RELB: variants seen among roughly 807,000 people sequenced by gnomAD.
RELB encodes transcription factor RelB.
In RELB, 14 loss-of-function variants were observed where a neutral mutation model predicts 55.4. That is an observed-to-expected ratio of 0.25 (90% CI 0.17 to 0.40). The LOEUF is 0.40. RELB is among the 10% of genes least tolerant of loss of function. The pLI is 1.00. For synonymous variants in RELB, 409 were observed against 371.3 expected (o/e 1.10, Z -1.17); for missense variants, 669 against 830.7 (o/e 0.81, Z 2.39).
chr19:45,037,678 GC>G lies in RELB; in HGVS notation c.1632del (p.Asp546MetfsTer60). The G allele has an allele frequency of 1.3e-6, 2 of 1,567,578 alleles. No individual in the cohort carries two copies. Among genetic ancestry groups the G allele is most frequent in the Admixed American group, 1.9e-5 (1 of 51,328 alleles). ...ACACTGGACTCGTACCAGGCCCCGG[GC>G]CCCGGGGATGGAGGCACCGCCAGCC... ...PLTLDSYQAPGPGDGGTASLV... is the reference protein window; with the variant it reads ...PLTLDSYQAPXPGDGGTASLV... On this transcript the variant is annotated frameshift_variant, in exon 12 of 12. Coordinates refer to ENST00000221452, the MANE Select transcript of RELB (RefSeq NM_006509.4). LOFTEE classifies it high-confidence loss of function.
chr19:45,010,710 C>T (rs1971340307), intron 3 of RELB, among the ~76,000 whole-genome samples: 1 of 152,174 alleles, frequency 6.6e-6, no homozygotes, highest in Non-Finnish European at 1.5e-5. Context: ...CAGAGTCTCG[C>T]TCTGTCGCCC....
At chr19:45,012,400 A>G in intron 4 of RELB, 124 bp downstream of exon 4, 2 of 584,686 alleles carry the variant, frequency 3.4e-6, no homozygotes, top group Non-Finnish European at 5.2e-6. Flanking sequence ...ACCAGATATT[A>G]ATTATACTAT....
intron 4 of RELB, chr19:45,021,838 G>T: frequency 2.1e-6 from 1 of 466,010 alleles, no homozygotes; most frequent in Non-Finnish European, 3.8e-6. Context: ...GCCTTCCAAC[G>T]TGCTGGGATT....
chr19:45,003,923 T>C (rs1414881493), intron 2 of RELB, among the ~76,000 whole-genome samples: 1 of 123,716 alleles, frequency 8.1e-6, no homozygotes, highest in Non-Finnish European at 1.7e-5. Context: ...GTGTTTTTTT[T>C]TTTTTTTTTT....
At chr19:45,017,464 C>CAAAAAAAAACAAAAAAAAAAA (rs1971434079) in intron 4 of RELB, among the ~76,000 whole-genome samples, 2 of 57,608 alleles carry the variant, frequency 3.5e-5, no homozygotes, top group African/African-American at 1.6e-4. Flanking sequence ...AAAAAAAAAA[C>CAAAAAAAAACAAAAAAAAAAA]AATTCTGGAA....
chr19:45,029,942 C>A (rs1220257656), intron 8 of RELB, among the ~76,000 whole-genome samples: 1 of 150,928 alleles, frequency 6.6e-6, no homozygotes, highest in African/African-American at 2.4e-5. Flanking sequence ...CTGAGGCGGG[C>A]AGATCACTTG....
intron 4 of RELB, among the ~76,000 whole-genome samples, chr19:45,013,704 T>G (rs1971388962): frequency 6.6e-6 from 1 of 151,740 alleles, no homozygotes; most frequent in African/African-American, 2.4e-5. Flanking sequence ...TGGTGGTGCA[T>G]GCCTGTAATC....
chr19:45,017,799 T>A (rs891276391), intron 4 of RELB, among the ~76,000 whole-genome samples: 1 of 150,646 alleles, frequency 6.6e-6, no homozygotes, highest in Non-Finnish European at 1.5e-5. Context: ...GCCTGTACCA[T>A]CATGCCTGGC....
intron 2 of RELB, among the ~76,000 whole-genome samples, chr19:45,005,264 G>A (rs147500586): frequency 1.2e-3 from 181 of 152,306 alleles, no homozygotes; most frequent in African/African-American, 4.3e-3. Context: ...TTTTTAGCAA[G>A]CTCCCAAGAG....
At chr19:45,026,789 C>T (rs894139423) in intron 7 of RELB, among the ~76,000 whole-genome samples, 1 of 152,092 alleles carries the variant, frequency 6.6e-6, no homozygotes, top group African/African-American at 2.4e-5. Flanking sequence ...AAAGCAAGTG[C>T]TTAGATTTTT....
At chr19:45,003,917 T>TG (rs1196032641) in intron 2 of RELB, among the ~76,000 whole-genome samples, 9 of 88,652 alleles carry the variant, frequency 1.0e-4, no homozygotes, top group East Asian at 3.1e-4. Flanking sequence ...TTTTTTGTGT[T>TG]TTTTTTTTTT....
chr19:45,002,851 G>A (rs913632098), intron 1 of RELB, 98 bp from the exon 2 acceptor site: 1 of 989,766 alleles, frequency 1.0e-6, no homozygotes, highest in Non-Finnish European at 1.5e-6. Flanking sequence ...ATCCAGAGGG[G>A]AAGGGCTAGA....
intron 8 of RELB, 116 bp downstream of exon 8, chr19:45,029,108 A>C: frequency 2.8e-6 from 2 of 706,760 alleles, no homozygotes; most frequent in South Asian, 3.3e-5. Context: ...AGGGCACCAG[A>C]GTGCAAGGGT....
At chr19:45,001,771 T>G in intron 1 of RELB, 86 bp downstream of exon 1, 1 of 839,202 alleles carries the variant, frequency 1.2e-6, no homozygotes, top group South Asian at 1.7e-5. Flanking sequence ...GTCTGGGGGT[T>G]CCTATGGGAG....
intron 2 of RELB, among the ~76,000 whole-genome samples, chr19:45,006,175 G>A (rs978670988): frequency 3.3e-5 from 5 of 152,132 alleles, no homozygotes; most frequent in Admixed American, 6.6e-5. Context: ...GTGGGGATAC[G>A]AGAACTAGTG....
At position 45,025,313 on chromosome 19, in the gene RELB, C is replaced by T. The variant is rs1189787229; in HGVS notation, c.663-16C>T. The T allele has an allele frequency of 1.9e-6, 3 of 1,593,348 alleles. No individual in the cohort carries two copies. The South Asian group carries it at 3.4e-5, about 18-fold the overall frequency. On this transcript the variant is annotated splice_polypyrimidine_tract_variant and intron_variant, in intron 5 of 11. Coordinates refer to ENST00000221452, the MANE Select transcript of RELB (RefSeq NM_006509.4). ...TGCTCACGAGCACTCCTCTCCCTCC[C>T]CCGTCACCCCCTCAGTTTTAACAAC...
In RELB at chr19:45,028,955, C is replaced by T. The variant is rs774509192; in HGVS notation, c.954C>T (p.Gly318=). The T allele has an allele frequency of 1.4e-5, 23 of 1,595,446 alleles. No homozygotes were observed. In the Admixed American group the frequency reaches 1.9e-4, roughly 13 times the overall value. Residue 318 remains glycine (G), a synonymous_variant, in exon 8 of 12, where the codon GGC becomes GGT. Transcript: ENST00000221452. ...AGGAAAGCGGGCCGTGCACCGGTGGCGAGGAGCTCTACTTGCTCTGCGACA... is the reference window on the plus strand; with the variant it reads ...AGGAAAGCGGGCCGTGCACCGGTGGTGAGGAGCTCTACTTGCTCTGCGACA... ...INKESGPCTG[G]EELYLLCDKV...
chr19:45,001,949 C>G (rs1971216768), intron 1 of RELB, among the ~76,000 whole-genome samples: 1 of 149,040 alleles, frequency 6.7e-6, no homozygotes, highest in African/African-American at 2.5e-5. Flanking sequence ...GGGGCGTGGC[C>G]TGACTCAGAG....
At chr19:45,015,651 C>T (rs1971412390) in intron 4 of RELB, among the ~76,000 whole-genome samples, 3 of 150,914 alleles carry the variant, frequency 2.0e-5, no homozygotes, top group Admixed American at 6.6e-5. Flanking sequence ...GGGAGGATTG[C>T]TTGAGCCTGG....
Sources: allele counts gnomAD v4.1 joint callset (sites outside exome capture counted in the v4.1 genomes callset), GRCh38; gene constraint gnomAD v4.1.1; transcripts MANE v1.5; gene names NCBI Gene and HGNC (gene_info 2026-07-23, HGNC 2026-07-21).